The following ATG10 variants were observed in gnomAD, a reference collection of about 807,000 sequenced individuals.
ATG10 encodes the protein ubiquitin-like-conjugating enzyme ATG10.
ATG10 carries 30 observed loss-of-function variants against 32.1 expected under a neutral mutation model. The observed-to-expected ratio is 0.94, with a 90% confidence interval of 0.70 to 1.27. The LOEUF (loss-of-function observed/expected upper bound fraction) is 1.27. Among genes scored for constraint, ATG10 ranks in the 50% most tolerant of loss-of-function variants. The pLI is 0.00. For missense variants in ATG10, 233 were observed against 262.3 expected, an observed-to-expected ratio of 0.89 and a Z score of 0.77; for synonymous variants, 87 against 91.5, an observed-to-expected ratio of 0.95 and a Z score of 0.28.
chr5:82,242,141 A>C (rs1360375994), intron 5 of ATG10, among the ~76,000 whole-genome samples: 1 of 152,188 alleles, frequency 6.6e-6, no homozygotes, highest in Non-Finnish European at 1.5e-5. Context: ...TATTGAACAT[A>C]TTTTTAAAAA....
intron 2 of ATG10, among the ~76,000 whole-genome samples, chr5:82,044,854 A>C (rs1010088466): frequency 1.3e-5 from 2 of 152,210 alleles, no homozygotes; most frequent in Non-Finnish European, 2.9e-5. Flanking sequence ...CTTCACGTCC[A>C]TGTGCAGTTT....
At chr5:82,250,381 C>T (rs1747206321) in intron 5 of ATG10, among the ~76,000 whole-genome samples, 1 of 152,160 alleles carries the variant, frequency 6.6e-6, no homozygotes, top group African/African-American at 2.4e-5. Context: ...AGAACCAACA[C>T]TTATTTCTCC....
chr5:81,989,998 G>A lies in ATG10; in HGVS notation c.108+2320G>A, dbSNP rs1004061058. The stretch of plus-strand genomic sequence containing the variant: ...CATTCAGTCACCTTATTGAATTTCC[G>A]TATTTGTTTTCATGGCTTTTCAGTG... On this transcript the variant is annotated intron_variant, in intron 2 of 7. Transcript: ENST00000282185. 7.2e-5 allele frequency among the ~76,000 whole-genome samples: 11 copies of A among 152,036 alleles called. 1 individual carries two copies. In the East Asian group the frequency reaches 1.3e-3, roughly 19 times the overall value.
At chr5:82,185,293 A>G (rs114560691) in intron 5 of ATG10, among the ~76,000 whole-genome samples, 4,964 of 152,292 alleles carry the variant, frequency 0.033, 113 homozygotes, top group Middle Eastern at 0.051. Context: ...TGGAAACCAA[A>G]ACTTTGGAGG....
chr5:82,031,966 T>A (rs1400531429), intron 2 of ATG10, among the ~76,000 whole-genome samples: 2 of 152,234 alleles, frequency 1.3e-5, no homozygotes, highest in Admixed American at 1.3e-4. Context: ...CTGCTTGGAA[T>A]GCTCTCTTTG....
Position 82,178,602 on chromosome 5 carries a change from T to C in ATG10, c.453+15T>C, listed in dbSNP as rs928644550. 2.0e-6 allele frequency: 3 copies of C among 1,534,284 alleles called. No homozygotes were observed. The highest frequency in any genetic ancestry group is 2.7e-5 in the African/African-American group (2 of 73,152). ...TTACGCAACAGGTTGGAGAGTATTG[T>C]CATTTTATTGTATGCATGTTATTGT... On this transcript the variant is annotated intron_variant, in intron 5 of 7. Coordinates refer to ENST00000282185, the MANE Select transcript of ATG10 (RefSeq NM_031482.5).
At chr5:82,209,683 C>A (rs1346127599) in intron 5 of ATG10, among the ~76,000 whole-genome samples, 1 of 152,156 alleles carries the variant, frequency 6.6e-6, no homozygotes. Flanking sequence ...TATGTATCCT[C>A]CCGAGATTCA....
intron 5 of ATG10, among the ~76,000 whole-genome samples, chr5:82,180,109 C>T (rs539056754): frequency 6.6e-6 from 1 of 152,246 alleles, no homozygotes; most frequent in East Asian, 1.9e-4. Flanking sequence ...CTCAAACCTG[C>T]AATAGTTCTC....
intron 3 of ATG10, among the ~76,000 whole-genome samples, chr5:82,152,504 G>A (rs1327523910): frequency 6.6e-6 from 1 of 152,160 alleles, no homozygotes; most frequent in East Asian, 1.9e-4. Flanking sequence ...CAACATTTCT[G>A]CAACTTTATT....
chr5:82,026,345 A>G (rs899605283), intron 2 of ATG10, among the ~76,000 whole-genome samples: 2 of 152,200 alleles, frequency 1.3e-5, no homozygotes, highest in African/African-American at 4.8e-5. Flanking sequence ...ATAATATTGT[A>G]TATACGTGCC....
chr5:82,151,032 T>A (rs1293151472), intron 3 of ATG10, among the ~76,000 whole-genome samples: 1 of 152,170 alleles, frequency 6.6e-6, no homozygotes, highest in Non-Finnish European at 1.5e-5. Context: ...AATTTTGCCT[T>A]CATAATTTTG....
intron 3 of ATG10, among the ~76,000 whole-genome samples, chr5:82,136,186 A>C (rs1766735781): frequency 6.6e-6 from 1 of 152,042 alleles, no homozygotes. Flanking sequence ...CCAATTTACC[A>C]GTCTGTGTCT....
intron 5 of ATG10, among the ~76,000 whole-genome samples, chr5:82,185,410 C>T (rs915280937): frequency 1.4e-4 from 21 of 152,114 alleles, no homozygotes; most frequent in African/African-American, 3.6e-4. Context: ...TTCCTCATTT[C>T]GTCCTACCAT....
chr5:82,037,987 CTTTAT>C (rs1449752115), intron 2 of ATG10, among the ~76,000 whole-genome samples: 10 of 151,796 alleles, frequency 6.6e-5, no homozygotes, highest in Non-Finnish European at 1.3e-4. Context: ...TCTTTTTAGT[CTTTAT>C]TTAGTAAGAT....
rs138469332 is a variant in ATG10, at chr5:81,987,610, C to T, written c.40C>T (p.Arg14Cys). Residue 14 changes from arginine (R) to cysteine (C), a missense_variant, in exon 2 of 8, where the codon CGT (arginine) becomes TGT (cysteine). Physicochemically the swap from Arg to Cys is radical, Grantham distance 180 (BLOSUM62 -3). Transcript: ENST00000282185. ...DEFIGEKTFQ[R>C]YCAEFIKHSQ... ...GTTCATTGGAGAAAAAACATTCCAACGTTATTGTGCAGAATTCATTAAACA... is the reference window on the plus strand; with the variant it reads ...GTTCATTGGAGAAAAAACATTCCAATGTTATTGTGCAGAATTCATTAAACA... The T allele has an allele frequency of 7.4e-6, 12 of 1,612,254 alleles. No individual in the cohort carries two copies. The highest frequency in any genetic ancestry group is 1.3e-5 in the African/African-American group (1 of 74,846).
intron 1 of ATG10, among the ~76,000 whole-genome samples, chr5:81,974,389 A>G (rs1581553446): frequency 6.6e-6 from 1 of 152,280 alleles, no homozygotes; most frequent in African/African-American, 2.4e-5. Context: ...CAGAGACAAG[A>G]CTTCTCTAAT....
intron 3 of ATG10, among the ~76,000 whole-genome samples, chr5:82,153,292 G>A (rs1036478613): frequency 2.0e-5 from 3 of 152,130 alleles, no homozygotes; most frequent in Non-Finnish European, 4.4e-5. Flanking sequence ...TTAGTTGAAT[G>A]TATATGTGTG....
chr5:82,040,035 A>G (rs1175879083), intron 2 of ATG10, among the ~76,000 whole-genome samples: 1 of 152,190 alleles, frequency 6.6e-6, no homozygotes, highest in Non-Finnish European at 1.5e-5. Flanking sequence ...TCTCTTCAGC[A>G]GGAGAGTTGG....
chr5:82,111,090 G>A (rs1561303534), intron 3 of ATG10, among the ~76,000 whole-genome samples: 1 of 151,866 alleles, frequency 6.6e-6, no homozygotes, highest in East Asian at 1.9e-4. Flanking sequence ...AGATGCTTAC[G>A]TATACTCCAC....
Sources: gnomAD v4.1 joint callset for allele counts (sites outside exome capture counted in the v4.1 genomes callset) on GRCh38, gnomAD v4.1.1 for gene constraint, MANE v1.5 for transcripts, NCBI Gene and HGNC (gene_info 2026-07-23, HGNC 2026-07-21) for gene names.